Variants in ARIH2 observed in about 807,000 individuals in gnomAD.
ARIH2 encodes the protein E3 ubiquitin-protein ligase ARIH2.
ARIH2 carries 12 observed loss-of-function variants against 79.8 expected under a neutral mutation model. The ratio of observed to expected loss-of-function variants is 0.15; its 90% CI spans 0.10 to 0.24. ARIH2 has a LOEUF of 0.24. Among genes scored for constraint, ARIH2 ranks in the 10% least tolerant of loss-of-function variants. The probability of loss-of-function intolerance (pLI) is 1.00; values close to 1 mark genes in which losing one functional copy is unlikely to be tolerated. For missense variants in ARIH2, 301 were observed against 618.3 expected (o/e 0.49, Z 5.44); for synonymous variants, 224 against 213.9 (o/e 1.05, Z -0.41).
intron 3 of ARIH2, among the ~76,000 whole-genome samples, chr3:48,928,650 T>G (rs2085957784): frequency 6.6e-6 from 1 of 152,162 alleles, no homozygotes; most frequent in East Asian, 1.9e-4. Flanking sequence ...CCAAATAAAT[T>G]TTATTGGAAC....
At position 48,959,649 on chromosome 3, in the gene ARIH2, C is replaced by CAAAAAAAAAAAA. The variant is rs71077758; in HGVS notation, c.256-1948_256-1937dup. On this transcript the variant is annotated intron_variant, in intron 3 of 15. Coordinates refer to ENST00000356401, the MANE Select transcript of ARIH2 (RefSeq NM_006321.4). ...AAACCCCGTCTCTACTAAAAAATACCAAAAAAAAAAAAAAAAAAAAAAAAA... is the reference window on the plus strand; with the variant it reads ...AAACCCCGTCTCTACTAAAAAATACCAAAAAAAAAAAAAAAAAAAAAAAAAAAAAAAAAAAAA... Among the ~76,000 whole-genome samples the CAAAAAAAAAAAA allele has an allele frequency of 4.0e-3, 201 of 50,100 alleles. 1 individual carries two copies. The highest frequency in any genetic ancestry group is 0.013 in the Middle Eastern group (1 of 80). 32.9% of individuals were successfully genotyped at this position (50,100 alleles called of 152,430 possible).
At chr3:48,923,943 G>C (rs913958395) in intron 2 of ARIH2, among the ~76,000 whole-genome samples, 4 of 152,290 alleles carry the variant, frequency 2.6e-5, no homozygotes, top group African/African-American at 9.6e-5. Context: ...AAACCAGCCT[G>C]AGCAACATAG....
chr3:48,940,817 A>ATATATG (rs2088058447), intron 3 of ARIH2, among the ~76,000 whole-genome samples: 1 of 134,016 alleles, frequency 7.5e-6, no homozygotes, highest in Non-Finnish European at 1.6e-5. Flanking sequence ...AAATATATAT[A>ATATATG]TATATATATA....
At chr3:48,963,401 C>T (rs1385572828) in intron 4 of ARIH2, among the ~76,000 whole-genome samples, 3 of 152,036 alleles carry the variant, frequency 2.0e-5, no homozygotes, top group Non-Finnish European at 4.4e-5. Flanking sequence ...TAAAACGGGC[C>T]CCTCAATAAG....
intron 3 of ARIH2, among the ~76,000 whole-genome samples, chr3:48,940,883 G>A (rs995844300): frequency 6.7e-6 from 1 of 148,276 alleles, no homozygotes; most frequent in Non-Finnish European, 1.5e-5. Context: ...AAATATATTT[G>A]TGCAGGCTGG....
At chr3:48,922,007 G>C (rs2084896559) in intron 1 of ARIH2, among the ~76,000 whole-genome samples, 1 of 152,142 alleles carries the variant, frequency 6.6e-6, no homozygotes, top group Admixed American at 6.6e-5. Flanking sequence ...CCACAGTGGA[G>C]GTGATTTTGT....
intron 3 of ARIH2, among the ~76,000 whole-genome samples, chr3:48,933,101 G>A (rs2086590690): frequency 6.6e-6 from 1 of 152,232 alleles, no homozygotes; most frequent in African/African-American, 2.4e-5. Context: ...TTTTGAGACA[G>A]CGCCTCACTC....
At chr3:48,936,965 T>C in intron 3 of ARIH2, among the ~76,000 whole-genome samples, 1 of 151,770 alleles carries the variant, frequency 6.6e-6, no homozygotes, top group Non-Finnish European at 1.5e-5. Context: ...GAGGTGGAGC[T>C]TGCGGTGAGC....
chr3:48,953,802 T>C (rs1246985364), intron 3 of ARIH2, among the ~76,000 whole-genome samples: 1 of 151,776 alleles, frequency 6.6e-6, no homozygotes, highest in African/African-American at 2.4e-5. Flanking sequence ...GCTCAAGCGA[T>C]CCTCCTACCT....
intron 7 of ARIH2, among the ~76,000 whole-genome samples, chr3:48,969,318 A>C (rs2092023116): frequency 6.6e-6 from 1 of 151,782 alleles, no homozygotes; most frequent in Admixed American, 6.6e-5. Context: ...AGCTGCTGTT[A>C]GATTCAGTTT....
Position 48,926,866 on chromosome 3 carries a change from C to G in ARIH2, c.-97-596C>G, listed in dbSNP as rs114001974. 2.0e-5 allele frequency: 3 copies of G among 152,628 alleles called. No individual in the cohort carries two copies. The South Asian group carries it at 6.2e-4, about 32-fold the overall frequency. 9.5% of individuals were successfully genotyped at this position (152,628 alleles called of 1,614,324 possible). A position where few individuals can be genotyped will look rare whatever the true frequency, so the allele number is the denominator to read the frequency against. On this transcript the variant is annotated intron_variant, in intron 2 of 15. Transcript: ENST00000356401. ...CACCCGGCCAGTAGAACTCTTTAAA[C>G]CTGAAAAATCAGTCAACTTTGCAGA...
intron 3 of ARIH2, among the ~76,000 whole-genome samples, chr3:48,942,624 G>A (rs1258152369): frequency 6.8e-6 from 1 of 147,418 alleles, no homozygotes; most frequent in Non-Finnish European, 1.5e-5. Flanking sequence ...GATTACAGGC[G>A]CCTGCCACCA....
intron 3 of ARIH2, among the ~76,000 whole-genome samples, chr3:48,937,573 A>T (rs2087335248): frequency 1.3e-5 from 2 of 152,170 alleles, no homozygotes; most frequent in African/African-American, 2.4e-5. Context: ...ACCTGGCAGA[A>T]ATGTCTGGTT....
chr3:48,970,685 C>A lies in ARIH2; in HGVS notation c.751C>A (p.Arg251=). 6.2e-7 allele frequency: 1 copy of A among 1,613,742 alleles called. No homozygotes were observed. The highest frequency in any genetic ancestry group is 8.5e-7 in the Non-Finnish European group (1 of 1,179,722). The change falls in exon 8 of 16, where the codon CGG becomes AGG. Residue 251 remains arginine (R), a synonymous_variant. Coordinates refer to ENST00000356401, the MANE Select transcript of ARIH2 (RefSeq NM_006321.4). Reference sequence around the variant, plus strand: ...TAGAGCTCGCCGAGTACAGTGCAATCGGTGCAACGAGGTCTTCTGGTAAGA... The same window carrying A: ...TAGAGCTCGCCGAGTACAGTGCAATAGGTGCAACGAGGTCTTCTGGTAAGA... The part of the protein sequence containing the change: ...EPRARRVQCN[R]CNEVFCFKCR...
chr3:48,945,304 C>A, intron 3 of ARIH2: 2 of 737,992 alleles, frequency 2.7e-6, no homozygotes, highest in Non-Finnish European at 3.9e-6. Context: ...CTTCAGCCAG[C>A]TAGAGGAGAC....
intron 12 of ARIH2, 72 bp downstream of exon 12, chr3:48,979,705 G>A (rs1416250270): frequency 1.3e-6 from 2 of 1,550,666 alleles, no homozygotes; most frequent in Admixed American, 1.7e-5. Context: ...GGGATTCCCA[G>A]GGACTGGTAG....
intron 14 of ARIH2, among the ~76,000 whole-genome samples, chr3:48,982,101 T>G (rs1053674440): frequency 1.3e-5 from 2 of 152,226 alleles, no homozygotes; most frequent in African/African-American, 4.8e-5. Context: ...TAGAGTTGAA[T>G]TTGAATATGA....
At chr3:48,978,363 G>C (rs952376948) in intron 11 of ARIH2, among the ~76,000 whole-genome samples, 1 of 145,318 alleles carries the variant, frequency 6.9e-6, no homozygotes, top group South Asian at 2.2e-4. Context: ...ACCAGTTCTC[G>C]TGCTTCAGCC....
intron 8 of ARIH2, among the ~76,000 whole-genome samples, chr3:48,971,006 A>G (rs771802009): frequency 2.6e-5 from 4 of 152,240 alleles, no homozygotes; most frequent in Non-Finnish European, 5.9e-5. Context: ...AGCTAATCAC[A>G]TATTACTGTG....
Sources: gnomAD v4.1 joint callset for allele counts (sites outside exome capture counted in the v4.1 genomes callset) on GRCh38, gnomAD v4.1.1 for gene constraint, MANE v1.5 for transcripts, NCBI Gene and HGNC (gene_info 2026-07-23, HGNC 2026-07-21) for gene names.